Variants in PFKFB1 observed in about 807,000 individuals in gnomAD.
PFKFB1 encodes 6-phosphofructo-2-kinase/fructose-2,6-biphosphatase 1.
Under a neutral mutation model 46.4 loss-of-function variants are expected in PFKFB1, and 34 were observed. That is an observed-to-expected ratio of 0.73 (90% CI 0.56 to 0.98). PFKFB1 has a LOEUF of 0.98. PFKFB1 is among the 50% of genes least tolerant of loss of function. The pLI, the probability that PFKFB1 is intolerant of heterozygous loss-of-function variation, is 0.00. For synonymous variants in PFKFB1, 119 were observed against 133.8 expected (o/e 0.89, Z 0.76); for missense variants, 393 against 376.3 (o/e 1.04, Z -0.37).
chrX:54,953,149 G>A (rs1934037825), intron 7 of PFKFB1, among the ~76,000 whole-genome samples: 1 of 111,983 alleles, frequency 8.9e-6, no homozygotes, highest in Admixed American at 9.5e-5. Context: ...TTGTTGGCCT[G>A]TACAGAGTTC....
chrX:54,965,655 A>G (rs1211052794), intron 1 of PFKFB1, among the ~76,000 whole-genome samples: 3 of 111,396 alleles, frequency 2.7e-5, no homozygotes, highest in African/African-American at 9.8e-5. Context: ...GAAGAAAAAT[A>G]TAACTATCAT....
At chrX:54,948,134 G>A (rs1933859212) in intron 9 of PFKFB1, among the ~76,000 whole-genome samples, 1 of 110,649 alleles carries the variant, frequency 9.0e-6, no homozygotes, top group Admixed American at 9.6e-5. Context: ...TGTTGCTCAG[G>A]CTGGTCTCCA....
At chrX:54,979,761 AG>A (rs1569547222) in intron 1 of PFKFB1, among the ~76,000 whole-genome samples, 1 of 111,753 alleles carries the variant, frequency 8.9e-6, no homozygotes, top group Non-Finnish European at 1.9e-5. Flanking sequence ...CCTACTTTTG[AG>A]TGTGGGCTGA....
intron 1 of PFKFB1, among the ~76,000 whole-genome samples, chrX:54,972,044 A>C (rs1251312392): frequency 9.2e-6 from 1 of 108,697 alleles, no homozygotes; most frequent in East Asian, 2.9e-4. Context: ...TCCTTGAAGA[A>C]GTCCTTCACA....
rs750054026 is a variant in PFKFB1 at position 54,958,307 on chromosome X, C to T, written c.515G>A (p.Arg172Lys). 5 of 1,169,637 alleles carry T rather than the reference C, an allele frequency of 4.3e-6. No homozygotes were observed. In the East Asian group the frequency reaches 1.5e-4, roughly 35 times the overall value. Residue 172 changes from arginine (R) to lysine (K), a missense_variant and splice_region_variant, in exon 6 of 14, where the codon AGG becomes AAG. Arg to Lys is a conservative substitution (Grantham distance 26, BLOSUM62 2). Transcript: ENST00000375006. ...NDPGIIAENI[R>K]QVKLGSPDYI... ...GGAAAAGTAACTGGTGGTCCTTACC[C>T]TGATGTTTTCTGCAATTATGCCAGG...
chrX:54,945,560 G>C lies in PFKFB1; in HGVS notation c.994-17C>G. On this transcript the variant is annotated splice_polypyrimidine_tract_variant and intron_variant, in intron 9 of 13. Coordinates refer to ENST00000375006, the MANE Select transcript of PFKFB1 (RefSeq NM_002625.4). ...ACAGACACCCTGAGAAAAAGTATTTGGGGGCGAAAGTATTCACAAGATGAA... is the reference window on the plus strand; with the variant it reads ...ACAGACACCCTGAGAAAAAGTATTTCGGGGCGAAAGTATTCACAAGATGAA... The C allele has an allele frequency of 1.0e-6, 1 of 980,114 alleles. No individual in the cohort carries two copies. Among genetic ancestry groups the C allele is most frequent in the South Asian group, 2.1e-5 (1 of 47,432 alleles). 80.8% of individuals were successfully genotyped at this position (980,114 alleles called of 1,213,427 possible). A position where few individuals can be genotyped will look rare whatever the true frequency, so the allele number is the denominator to read the frequency against.
At chrX:54,963,972 A>G (rs1934396691) in intron 1 of PFKFB1, among the ~76,000 whole-genome samples, 1 of 111,883 alleles carries the variant, frequency 8.9e-6, no homozygotes, top group Non-Finnish European at 1.9e-5. Flanking sequence ...AAGTACTGGG[A>G]GAAACTCACT....
chrX:54,959,052 A>G (rs1934238080), intron 4 of PFKFB1, 127 bp from the exon 5 acceptor site: 1 of 476,364 alleles, frequency 2.1e-6, no homozygotes, highest in East Asian at 3.4e-5. Flanking sequence ...GTCTTGAAGG[A>G]TAGGAAGGAT....
intron 1 of PFKFB1, among the ~76,000 whole-genome samples, chrX:54,990,914 T>C (rs1935222805): frequency 8.9e-6 from 1 of 112,261 alleles, no homozygotes; most frequent in Admixed American, 9.4e-5. Context: ...AAAAATTGTA[T>C]TGGCAAACTC....
At chrX:54,945,353 C>G (rs1933768099) in intron 10 of PFKFB1, 86 bp downstream of exon 10, 1 of 509,469 alleles carries the variant, frequency 2.0e-6, no homozygotes, top group Non-Finnish European at 3.2e-6. Flanking sequence ...GTTTCTAAAG[C>G]TGTCTAGACA....
chrX:54,938,722 A>G (rs1933498406), intron 10 of PFKFB1, among the ~76,000 whole-genome samples: 1 of 111,846 alleles, frequency 8.9e-6, no homozygotes, highest in Admixed American at 9.5e-5. Context: ...CCAATACAGG[A>G]GCACCCAGAT....
At chrX:54,962,981 A>C (rs1032269689) in intron 2 of PFKFB1, among the ~76,000 whole-genome samples, 1 of 112,250 alleles carries the variant, frequency 8.9e-6, no homozygotes, top group African/African-American at 3.2e-5. Context: ...TACTCACAGG[A>C]TTGTTTTGAG....
At chrX:54,942,455 C>G (rs903405975) in intron 10 of PFKFB1, among the ~76,000 whole-genome samples, 3 of 111,759 alleles carry the variant, frequency 2.7e-5, no homozygotes, top group Non-Finnish European at 5.6e-5. Flanking sequence ...TGATTCAGAG[C>G]TACACTATCC....
chrX:54,996,693 T>C (rs1470068998), upstream of PFKFB1, among the ~76,000 whole-genome samples: 1 of 112,097 alleles, frequency 8.9e-6, no homozygotes, highest in Non-Finnish European at 1.9e-5. Flanking sequence ...AGCTTCAGCC[T>C]ATCTGTCCAG....
At chrX:54,941,795 G>A (rs1029261388) in intron 10 of PFKFB1, among the ~76,000 whole-genome samples, 2 of 111,975 alleles carry the variant, frequency 1.8e-5, no homozygotes, top group African/African-American at 6.5e-5. Context: ...ACTGTTGGTG[G>A]GACTGGAAAC....
chrX:54,945,425 C>G lies in PFKFB1; in HGVS notation c.1098+14G>C. ...GGAGTAGTCCTAGGCATTAGGCCAC[C>G]CCGCAAACCTTACCTCTCCCTTGGG... On this transcript the variant is annotated intron_variant, in intron 10 of 13. Transcript: ENST00000375006. The G allele has an allele frequency of 9.3e-7, 1 of 1,072,842 alleles. No individual in the cohort carries two copies. 88.4% of individuals were successfully genotyped at this position (1,072,842 alleles called of 1,213,427 possible).
intron 1 of PFKFB1, among the ~76,000 whole-genome samples, chrX:54,987,451 C>T (rs951673263): frequency 9.0e-6 from 1 of 110,963 alleles, no homozygotes; most frequent in Non-Finnish European, 1.9e-5. Flanking sequence ...CCAGTATTTC[C>T]GTGCTACCAA....
At chrX:54,959,077 T>C in intron 4 of PFKFB1, 152 bp from the exon 5 acceptor site, 2 of 445,347 alleles carry the variant, frequency 4.5e-6, no homozygotes, top group East Asian at 3.5e-5. Context: ...GATTGGCTTA[T>C]GACAATTTCA....
At position 54,959,009 on chromosome X, in the gene PFKFB1, A is replaced by C. The variant is rs377517128; in HGVS notation, c.385-84T>G. On this transcript the variant is annotated intron_variant, in intron 4 of 13. Coordinates refer to ENST00000375006, the MANE Select transcript of PFKFB1 (RefSeq NM_002625.4). Reference sequence around the variant, plus strand: ...CTTTGCCCATCCCTGTGCTAAGTGGAGGGCTTCCATATGGAGGTAGAACTT... The same window carrying C: ...CTTTGCCCATCCCTGTGCTAAGTGGCGGGCTTCCATATGGAGGTAGAACTT... The C allele has an allele frequency of 3.0e-5, 18 of 591,453 alleles. No individual in the cohort carries two copies. The East Asian group carries it at 4.3e-4, about 14-fold the overall frequency. The allele number at this position is 591,453 out of a possible 1,213,427, so 48.7% of individuals were successfully genotyped here.
Sources: allele counts gnomAD v4.1 joint callset (sites outside exome capture counted in the v4.1 genomes callset), GRCh38; gene constraint gnomAD v4.1.1; transcripts MANE v1.5; gene names NCBI Gene and HGNC (gene_info 2026-07-23, HGNC 2026-07-21).